STIL: variants seen among roughly 807,000 people sequenced by gnomAD.
The protein encoded by STIL is STIL centriolar assembly protein, also known as SCL-interrupting locus protein.
Under a neutral mutation model 110.1 loss-of-function variants are expected in STIL, and 55 were observed. That is an observed-to-expected ratio of 0.50 (90% CI 0.40 to 0.63). The LOEUF (loss-of-function observed/expected upper bound fraction) is 0.63. Among genes scored for constraint, STIL ranks in the 20% least tolerant of loss-of-function variants. The pLI is 0.00. For synonymous variants in STIL, 481 were observed against 530.0 expected (o/e 0.91, Z 1.27); for missense variants, 1,358 against 1,530.0 (o/e 0.89, Z 1.87).
chr1:47,287,707 AC>A (rs1172131954), intron 9 of STIL, 47 bp from the exon 10 acceptor site: 4 of 1,404,782 alleles, frequency 2.8e-6, no homozygotes, highest in Non-Finnish European at 3.0e-6. Context: ...AAATAAGAAC[AC>A]CAGAGAATTC....
At chr1:47,300,183 A>C (rs1452062245) in intron 5 of STIL, 31 bp from the exon 6 acceptor site, 1 of 1,599,066 alleles carries the variant, frequency 6.3e-7, no homozygotes, top group Admixed American at 1.7e-5. Context: ...AATTATTTTA[A>C]AACTTTGAAA....
intron 11 of STIL, among the ~76,000 whole-genome samples, chr1:47,281,566 T>G (rs1319454689): frequency 6.6e-6 from 1 of 152,064 alleles, no homozygotes; most frequent in Non-Finnish European, 1.5e-5. Context: ...AAAAATAAAA[T>G]TGTCACAAGC....
rs1378473380 is a variant in STIL at position 47,301,748 on chromosome 1, T to C, written c.266A>G (p.Asp89Gly). 6.2e-7 allele frequency: 1 copy of C among 1,613,558 alleles called. No homozygotes were observed. The highest frequency in any genetic ancestry group is 1.3e-5 in the African/African-American group (1 of 74,904). Reference protein sequence around the residue: ...FLLGSLTADEDEEGVTLTVDR... With the variant: ...FLLGSLTADEGEEGVTLTVDR... ...TACTGTCAATGTTACACCTTCTTCA[T>C]CTGTAGAACAAAAATAACAGCTATT... The change falls in exon 5 of 17, where the codon GAT (aspartate) becomes GGT (glycine). Residue 89 changes from aspartate (D) to glycine (G), a missense_variant and splice_region_variant. Physicochemically the swap from Asp to Gly is moderately conservative, Grantham distance 94. Transcript: ENST00000371877.
intron 10 of STIL, 61 bp downstream of exon 10, chr1:47,287,490 C>T: frequency 1.8e-6 from 2 of 1,108,438 alleles, no homozygotes; most frequent in East Asian, 2.6e-5. Flanking sequence ...TTTTACTCAC[C>T]AAAAACTAAT....
Position 47,313,720 on chromosome 1 carries a change from G to A in STIL, c.-44+316C>T, listed in dbSNP as rs79976889. 7.6e-4 allele frequency among the ~76,000 whole-genome samples: 115 copies of A among 152,282 alleles called. 2 individuals carry two copies. In the East Asian group the frequency reaches 0.02, roughly 27 times the overall value. ...ACATTAACTGATCCCTTACTACGTA[G>A]CAGAGTGTGAGCCAGAAATTGTGAG... On this transcript the variant is annotated intron_variant, in intron 1 of 16. Transcript: ENST00000371877.
chr1:47,296,950 C>T (rs1645658020), intron 6 of STIL, among the ~76,000 whole-genome samples: 1 of 152,310 alleles, frequency 6.6e-6, no homozygotes, highest in Non-Finnish European at 1.5e-5. Flanking sequence ...AATATTAAGC[C>T]TGAGTTGGCG....
intron 13 of STIL, among the ~76,000 whole-genome samples, chr1:47,271,491 G>A (rs1644832724): frequency 6.6e-6 from 1 of 151,020 alleles, no homozygotes; most frequent in Admixed American, 6.6e-5. Flanking sequence ...CCCAGGAGGC[G>A]GAGGTTGCAG....
chr1:47,303,262 G>A (rs199651228), intron 3 of STIL, among the ~76,000 whole-genome samples: 5 of 152,084 alleles, frequency 3.3e-5, no homozygotes, highest in East Asian at 3.8e-4. Flanking sequence ...ACACCGCCAC[G>A]TTTTAAAAAA....
chr1:47,270,241 AATAT>A (rs55650175), intron 13 of STIL, among the ~76,000 whole-genome samples: 142 of 118,634 alleles, frequency 1.2e-3, no homozygotes, highest in African/African-American at 4.7e-3. Context: ...AAAAAAAAAA[AATAT>A]ATATATATAT....
intron 8 of STIL, among the ~76,000 whole-genome samples, chr1:47,292,393 G>A (rs372433456): frequency 2.0e-5 from 3 of 151,866 alleles, no homozygotes; most frequent in Non-Finnish European, 4.4e-5. Context: ...CTTTGGCCTA[G>A]AAAAAAACAC....
intron 9 of STIL, among the ~76,000 whole-genome samples, chr1:47,288,013 T>C (rs956815543): frequency 6.7e-6 from 1 of 148,186 alleles, no homozygotes; most frequent in African/African-American, 2.4e-5. Context: ...GTATATAATA[T>C]ATAATATAAA....
At chr1:47,269,399 G>A (rs1468425457) in intron 14 of STIL, among the ~76,000 whole-genome samples, 1 of 152,100 alleles carries the variant, frequency 6.6e-6, no homozygotes, top group East Asian at 1.9e-4. Context: ...AACAGCAACT[G>A]TAATGAATAA....
intron 9 of STIL, among the ~76,000 whole-genome samples, chr1:47,288,408 T>C (rs778929145): frequency 8.5e-5 from 13 of 152,060 alleles, no homozygotes; most frequent in Non-Finnish European, 1.6e-4. Flanking sequence ...GTGATTCTCC[T>C]GCCTCAGTCT....
At chr1:47,308,490 T>C (rs1646031552) in intron 2 of STIL, among the ~76,000 whole-genome samples, 1 of 151,612 alleles carries the variant, frequency 6.6e-6, no homozygotes, top group Non-Finnish European at 1.5e-5. Flanking sequence ...GATCACCATG[T>C]TAAGTGAAAT....
intron 12 of STIL, among the ~76,000 whole-genome samples, chr1:47,275,558 AG>A (rs1644967915): frequency 6.6e-6 from 1 of 152,014 alleles, no homozygotes; most frequent in Non-Finnish European, 1.5e-5. Context: ...CAGTGAGCTG[AG>A]ATCGCGCCAC....
intron 2 of STIL, among the ~76,000 whole-genome samples, chr1:47,308,326 C>T (rs776718325): frequency 3.9e-4 from 59 of 151,184 alleles, no homozygotes; most frequent in African/African-American, 1.3e-3. Context: ...CTCAAGGCAG[C>T]GGACGCTTAG....
chr1:47,258,781 G>A (rs1256480980), intron 16 of STIL, among the ~76,000 whole-genome samples: 1 of 151,976 alleles, frequency 6.6e-6, no homozygotes, highest in African/African-American at 2.4e-5. Flanking sequence ...GAGATGGGAG[G>A]CTCACTTGAG....
intron 1 of STIL, among the ~76,000 whole-genome samples, chr1:47,313,448 C>G (rs1245478400): frequency 1.3e-5 from 2 of 152,102 alleles, no homozygotes; most frequent in African/African-American, 4.8e-5. Flanking sequence ...ATCCACTCAT[C>G]CTACATTCCA....
intron 16 of STIL, among the ~76,000 whole-genome samples, chr1:47,254,983 ATTACT>A (rs1187342934): frequency 6.6e-6 from 1 of 152,208 alleles, no homozygotes; most frequent in African/African-American, 2.4e-5. Flanking sequence ...ATGAGATATC[ATTACT>A]TTAATAGCAA....
Sources: allele counts gnomAD v4.1 joint callset (sites outside exome capture counted in the v4.1 genomes callset), GRCh38; gene constraint gnomAD v4.1.1; transcripts MANE v1.5; gene names NCBI Gene and HGNC (gene_info 2026-07-23, HGNC 2026-07-21).